KIAA1217: variants seen among roughly 807,000 people sequenced by gnomAD.
The protein encoded by KIAA1217 is KIAA1217.
In KIAA1217, 88 loss-of-function variants were observed where a neutral mutation model predicts 163.9. The ratio of observed to expected loss-of-function variants is 0.54; its 90% CI spans 0.45 to 0.64. The LOEUF is 0.64. Ranked by LOEUF, KIAA1217 falls within the 30% of genes least tolerant of loss-of-function variation. The pLI, the probability that KIAA1217 is intolerant of heterozygous loss-of-function variation, is 0.00. For missense variants in KIAA1217, 2,372 were observed against 2,475.0 expected, an observed-to-expected ratio of 0.96 and a Z score of 0.88; for synonymous variants, 903 against 923.1, an observed-to-expected ratio of 0.98 and a Z score of 0.39.
intron 2 of KIAA1217, among the ~76,000 whole-genome samples, chr10:24,230,880 G>T (rs1163113045): frequency 1.3e-5 from 2 of 152,178 alleles, no homozygotes; most frequent in Admixed American, 1.3e-4. Flanking sequence ...GTTCAGGCTT[G>T]TCTGAGGAGA....
chr10:24,510,274 T>C (rs961139422), intron 9 of KIAA1217, among the ~76,000 whole-genome samples: 1 of 152,218 alleles, frequency 6.6e-6, no homozygotes, highest in East Asian at 1.9e-4. Flanking sequence ...TTCAATTTTA[T>C]GAATTTTAAA....
At chr10:23,751,152 C>T (rs554438054) in intron 1 of KIAA1217, among the ~76,000 whole-genome samples, 1 of 152,116 alleles carries the variant, frequency 6.6e-6, no homozygotes, top group South Asian at 2.1e-4. Context: ...CTCAGCCTCC[C>T]GAGTAGCTGA....
At chr10:23,884,708 G>A (rs1367693782) in intron 1 of KIAA1217, among the ~76,000 whole-genome samples, 2 of 151,920 alleles carry the variant, frequency 1.3e-5, no homozygotes, top group Non-Finnish European at 2.9e-5. Context: ...TTTTCCAGTT[G>A]CCTCTCTAAT....
At chr10:23,782,414 A>G (rs79003607) in intron 1 of KIAA1217, among the ~76,000 whole-genome samples, 2 of 152,126 alleles carry the variant, frequency 1.3e-5, no homozygotes, top group East Asian at 1.9e-4. Context: ...TTGATTTTGC[A>G]TGGTGCAACT....
At chr10:24,323,944 G>A (rs2044522744) in intron 2 of KIAA1217, among the ~76,000 whole-genome samples, 1 of 151,934 alleles carries the variant, frequency 6.6e-6, no homozygotes, top group African/African-American at 2.4e-5. Flanking sequence ...AGAATAATAA[G>A]TATAATAAAA....
chr10:24,452,051 T>C (rs1235866590), intron 5 of KIAA1217, among the ~76,000 whole-genome samples: 1 of 152,180 alleles, frequency 6.6e-6, no homozygotes, highest in East Asian at 1.9e-4. Context: ...AATGAGCATG[T>C]GTTACTTTTA....
intron 1 of KIAA1217, among the ~76,000 whole-genome samples, chr10:23,822,132 A>G (rs1211757786): frequency 1.3e-5 from 2 of 152,082 alleles, no homozygotes; most frequent in Non-Finnish European, 2.9e-5. Flanking sequence ...ACTCAAAACT[A>G]TAGTCTCCAT....
chr10:24,355,676 T>A (rs1414911540), intron 2 of KIAA1217, among the ~76,000 whole-genome samples: 1 of 147,882 alleles, frequency 6.8e-6, no homozygotes, highest in Non-Finnish European at 1.5e-5. Flanking sequence ...GTGTTGTAGG[T>A]CTTCTGTCGC....
chr10:23,883,416 G>C (rs1187384177), intron 1 of KIAA1217, among the ~76,000 whole-genome samples: 1 of 151,938 alleles, frequency 6.6e-6, no homozygotes, highest in Non-Finnish European at 1.5e-5. Context: ...ACACCTCAGA[G>C]TTGGTTGCTG....
At chr10:23,785,287 C>T (rs1835440860) in intron 1 of KIAA1217, among the ~76,000 whole-genome samples, 1 of 152,146 alleles carries the variant, frequency 6.6e-6, no homozygotes. Flanking sequence ...ATTTATCTGA[C>T]TAACTCATCC....
intron 3 of KIAA1217, among the ~76,000 whole-genome samples, chr10:24,426,511 C>T (rs978277960): frequency 6.6e-6 from 1 of 152,074 alleles, no homozygotes. Flanking sequence ...GTAGTCCCAG[C>T]TACTCAGGAG....
At chr10:24,000,658 A>T (rs1846697981) in intron 1 of KIAA1217, among the ~76,000 whole-genome samples, 1 of 152,150 alleles carries the variant, frequency 6.6e-6, no homozygotes, top group Admixed American at 6.5e-5. Context: ...ACAAGTGGTG[A>T]TCTGAACAGT....
intron 2 of KIAA1217, among the ~76,000 whole-genome samples, chr10:24,044,851 G>A (rs1255179104): frequency 6.6e-6 from 1 of 152,062 alleles, no homozygotes; most frequent in Admixed American, 6.6e-5. Context: ...CCAAAGGACT[G>A]TATGGTCATG....
At chr10:24,040,265 C>T (rs1848575237) in intron 2 of KIAA1217, among the ~76,000 whole-genome samples, 1 of 152,186 alleles carries the variant, frequency 6.6e-6, no homozygotes, top group South Asian at 2.1e-4. Flanking sequence ...CTGGAGTAGC[C>T]ACTTGGCTAG....
intron 6 of KIAA1217, among the ~76,000 whole-genome samples, chr10:24,487,775 G>A (rs1264261035): frequency 6.6e-6 from 1 of 152,168 alleles, no homozygotes; most frequent in Admixed American, 6.5e-5. Context: ...CTAATGAGAA[G>A]GTTTCCCCCA....
intron 1 of KIAA1217, among the ~76,000 whole-genome samples, chr10:23,818,012 C>CATATATATAT (rs1381043932): frequency 2.6e-5 from 3 of 114,818 alleles, no homozygotes; most frequent in African/African-American, 1.2e-4. Flanking sequence ...TATATATACA[C>CATATATATAT]ACATATATAT....
chr10:24,395,175 A>T (rs1210882979), intron 3 of KIAA1217, among the ~76,000 whole-genome samples: 1 of 152,096 alleles, frequency 6.6e-6, no homozygotes, highest in Non-Finnish European at 1.5e-5. Flanking sequence ...CATTGGCAGG[A>T]AAACATAGAG....
intron 2 of KIAA1217, among the ~76,000 whole-genome samples, chr10:24,234,138 G>A (rs1471557042): frequency 6.6e-6 from 1 of 152,054 alleles, no homozygotes; most frequent in East Asian, 1.9e-4. Context: ...AAAATGAAAT[G>A]TTCCCAAATC....
intron 2 of KIAA1217, among the ~76,000 whole-genome samples, chr10:24,023,449 GC>G (rs1367874212): frequency 6.6e-6 from 1 of 151,584 alleles, no homozygotes; most frequent in African/African-American, 2.4e-5. Context: ...TTGTAAGTGG[GC>G]TTTTTTCAAC....
Sources: gnomAD v4.1 joint callset for allele counts (sites outside exome capture counted in the v4.1 genomes callset) on GRCh38, gnomAD v4.1.1 for gene constraint, MANE v1.5 for transcripts, NCBI Gene and HGNC (gene_info 2026-07-23, HGNC 2026-07-21) for gene names.